CCN3: variants seen among roughly 807,000 people sequenced by gnomAD.
The protein encoded by CCN3 is CCN family member 3.
A neutral mutation model predicts 33.4 loss-of-function variants in CCN3; 20 were observed. That is an observed-to-expected ratio of 0.60 (90% CI 0.42 to 0.87). The LOEUF (loss-of-function observed/expected upper bound fraction) is 0.87. CCN3 is among the 40% of genes least tolerant of loss of function. The probability of loss-of-function intolerance (pLI) is 0.00; values close to 1 mark genes in which losing one functional copy is unlikely to be tolerated. For synonymous variants in CCN3, 205 were observed against 170.4 expected (o/e 1.20, Z -1.58); for missense variants, 465 against 455.3 (o/e 1.02, Z -0.19).
chr8:119,421,557 C>G (rs532061200), intron 4 of CCN3, among the ~76,000 whole-genome samples: 9 of 152,308 alleles, frequency 5.9e-5, no homozygotes, highest in African/African-American at 1.7e-4. Context: ...TGAAGGTGAA[C>G]AGTGGATAAC....
chr8:119,417,139 C>T (rs905668396), intron 2 of CCN3, 170 bp downstream of exon 2: 9 of 636,486 alleles, frequency 1.4e-5, no homozygotes, highest in African/African-American at 9.4e-5. Context: ...TTGGGGAGCA[C>T]TTGGGGCTTT....
At chr8:119,420,063 A>G (rs1223835750) in intron 4 of CCN3, 1 of 152,210 alleles carries the variant, frequency 6.6e-6, no homozygotes, top group African/African-American at 2.4e-5. Flanking sequence ...GAAAAATGCA[A>G]TACCCAATTT....
At chr8:119,421,326 G>C (rs1312942916) in intron 4 of CCN3, among the ~76,000 whole-genome samples, 3 of 152,050 alleles carry the variant, frequency 2.0e-5, no homozygotes, top group Admixed American at 6.5e-5. Flanking sequence ...GTTCTTAAAG[G>C]GTGGTCCCCA....
At position 119,416,881 on chromosome 8, in the gene CCN3, C is replaced by A; in HGVS notation, c.222C>A (p.Ser74Arg). The change falls in exon 2 of 5, where the codon AGC becomes AGA. Residue 74 changes from serine (S) to arginine (R), a missense_variant. Physicochemically the swap from Ser to Arg is moderately radical, Grantham distance 110. Transcript: ENST00000259526. ...TGTGTGCCCGCCAGCGTGGCGAGAG[C>A]TGCTCAGATCTGGAGCCATGCGACG... ...CLVCARQRGE[S>R]CSDLEPCDES... 1.2e-6 allele frequency: 2 copies of A among 1,613,814 alleles called. No individual in the cohort carries two copies. The highest frequency in any genetic ancestry group is 1.1e-5 in the South Asian group (1 of 91,058).
chr8:119,421,141 C>A (rs1820118715), intron 4 of CCN3, among the ~76,000 whole-genome samples: 1 of 151,426 alleles, frequency 6.6e-6, no homozygotes, highest in Non-Finnish European at 1.5e-5. Context: ...GCCTCAGCCT[C>A]CTCAGTAGCT....
intron 2 of CCN3, among the ~76,000 whole-genome samples, chr8:119,417,319 G>A (rs1277925380): frequency 6.6e-6 from 1 of 152,066 alleles, no homozygotes; most frequent in East Asian, 1.9e-4. Context: ...TGGAAGCTCG[G>A]GTTTACTCAC....
chr8:119,417,726 A>T (rs550503234), intron 2 of CCN3, among the ~76,000 whole-genome samples: 102 of 152,354 alleles, frequency 6.7e-4, no homozygotes, highest in Middle Eastern at 6.8e-3. Context: ...CTGCTGGAGT[A>T]GGAAACTCTA....
At chr8:119,416,723 C>G in intron 1 of CCN3, 21 bp from the exon 2 acceptor site, 1 of 1,577,330 alleles carries the variant, frequency 6.3e-7, no homozygotes, top group Non-Finnish European at 8.6e-7. Flanking sequence ...AGTGGTTTCT[C>G]CTTGTCTCGC....
Position 119,422,863 on chromosome 8 carries a change from A to T in CCN3, c.805A>T (p.Lys269Ter). The change falls in exon 5 of 5, where the codon AAG becomes TAG. Residue 269 changes from lysine (K) to a stop codon, truncating the protein, a stop_gained. Coordinates refer to ENST00000259526, the MANE Select transcript of CCN3 (RefSeq NM_002514.4). LOFTEE classifies it high-confidence loss of function. The stretch of plus-strand genomic sequence containing the variant: ...AGGAAAAAAGTGTCTCCGCACCAAG[A>T]AGTCACTCAAAGCCATCCACCTGCA... Reference protein sequence around the residue: ...KKGKKCLRTKKSLKAIHLQFK... With the variant: ...KKGKKCLRTK The T allele has an allele frequency of 2.5e-6, 4 of 1,609,854 alleles. No homozygotes were observed. The highest frequency in any genetic ancestry group is 3.4e-6 in the Non-Finnish European group (4 of 1,177,280).
intron 2 of CCN3, 84 bp from the exon 3 acceptor site, chr8:119,417,974 A>C (rs1343479265): frequency 1.4e-6 from 2 of 1,432,170 alleles, no homozygotes; most frequent in African/African-American, 2.8e-5. Context: ...ATGCCCTCCA[A>C]ATCTTACATA....
At position 119,416,462 on chromosome 8, in the gene CCN3, G is replaced by T. The variant is rs577567440; in HGVS notation, c.-71G>T. On this transcript the variant is annotated 5_prime_UTR_variant, in exon 1 of 5. Transcript: ENST00000259526. ...GTGATCGGCAAGCACCGGACCAGGGGGAAGGCGAGCAGTGCCAATCTACAG... is the reference window on the plus strand; with the variant it reads ...GTGATCGGCAAGCACCGGACCAGGGTGAAGGCGAGCAGTGCCAATCTACAG... 1.4e-6 allele frequency: 2 copies of T among 1,443,630 alleles called. No individual in the cohort carries two copies. Among genetic ancestry groups the T allele is most frequent in the East Asian group, 4.6e-5 (2 of 43,722 alleles). 89.4% of individuals were successfully genotyped at this position (1,443,630 alleles called of 1,614,324 possible). A position where few individuals can be genotyped will look rare whatever the true frequency, so the allele number is the denominator to read the frequency against.
In CCN3 at chr8:119,418,306, G is replaced by T. The variant is rs764102541; in HGVS notation, c.559G>T (p.Ala187Ser). 14 of 1,613,968 alleles carry T rather than the reference G, an allele frequency of 8.7e-6. No individual in the cohort carries two copies. In the East Asian group the frequency reaches 2.9e-4, roughly 33 times the overall value. The change falls in exon 3 of 5, where the codon GCA becomes TCA. Residue 187 changes from alanine to serine, a missense_variant. Transcript: ENST00000259526. ...EEDSLGGLTLAAYRPEATLGV... is the reference protein window; with the variant it reads ...EEDSLGGLTLSAYRPEATLGV... ...GGATTCACTGGGAGGCCTTACCCTT[G>T]CAGGTGAGAAACTCAATATACCTAG...
intron 4 of CCN3, chr8:119,420,077 C>T (rs1311006216): frequency 2.0e-5 from 3 of 152,082 alleles, no homozygotes; most frequent in Non-Finnish European, 4.4e-5. Context: ...CCAATTTGAA[C>T]CATTATATGG....
chr8:119,418,852 C>A (rs1285701756), intron 3 of CCN3, among the ~76,000 whole-genome samples: 1 of 152,036 alleles, frequency 6.6e-6, no homozygotes, highest in African/African-American at 2.4e-5. Context: ...AATAAAAAAT[C>A]TCAAGAGACA....
chr8:119,419,614 TG>T (rs1820097666), intron 4 of CCN3, among the ~76,000 whole-genome samples: 1 of 152,176 alleles, frequency 6.6e-6, no homozygotes, highest in Non-Finnish European at 1.5e-5. Context: ...CAATAGAGAA[TG>T]GTCTAGCAAA....
At chr8:119,418,594 T>C (rs879408689) in intron 3 of CCN3, among the ~76,000 whole-genome samples, 1 of 152,250 alleles carries the variant, frequency 6.6e-6, no homozygotes, top group Non-Finnish European at 1.5e-5. Context: ...CTACTACTTG[T>C]ATTTTAATCC....
Position 119,419,114 on chromosome 8 carries a change from A to G in CCN3, c.563-17A>G. The G allele has an allele frequency of 6.2e-7, 1 of 1,602,478 alleles. No individual in the cohort carries two copies. Among genetic ancestry groups the G allele is most frequent in the Non-Finnish European group, 8.5e-7 (1 of 1,169,836 alleles). On this transcript the variant is annotated splice_polypyrimidine_tract_variant and intron_variant, in intron 3 of 4. Transcript: ENST00000259526. Reference sequence around the variant, plus strand: ...CATTGTACCTAATATGGCTGTCTTTATTTATACATCCCATAGCTTACAGGC... The same window carrying G: ...CATTGTACCTAATATGGCTGTCTTTGTTTATACATCCCATAGCTTACAGGC...
In CCN3 at chr8:119,419,285, A is replaced by G; in HGVS notation, c.717A>G (p.Lys239=). Residue 239 remains lysine, a synonymous_variant, in exon 4 of 5, where the codon AAA becomes AAG. Coordinates refer to ENST00000259526, the MANE Select transcript of CCN3 (RefSeq NM_002514.4). ...GGAACCGTCAATGTGAGATGCTGAA[A>G]CAGACTCGGCTCTGCATGGTGCGGC... The part of the protein sequence containing the change: ...TNRNRQCEML[K]QTRLCMVRPC... 3 of 1,614,198 alleles carry G rather than the reference A, an allele frequency of 1.9e-6. No homozygotes were observed. Among genetic ancestry groups the G allele is most frequent in the Non-Finnish European group, 2.5e-6 (3 of 1,180,042 alleles).
chr8:119,419,653 C>T (rs1820097938), intron 4 of CCN3, among the ~76,000 whole-genome samples: 1 of 152,236 alleles, frequency 6.6e-6, no homozygotes, highest in Admixed American at 6.5e-5. Flanking sequence ...AGAAAACTGG[C>T]TACAGTTGTC....
Sources: allele counts gnomAD v4.1 joint callset (sites outside exome capture counted in the v4.1 genomes callset), GRCh38; gene constraint gnomAD v4.1.1; transcripts MANE v1.5; gene names NCBI Gene and HGNC (gene_info 2026-07-23, HGNC 2026-07-21).